DUSP13A: variants seen among roughly 807,000 people sequenced by gnomAD.
The protein encoded by DUSP13A is dual specificity protein phosphatase 13A.
chr10:75,108,865 G>A, the DUSP13A span: 4 of 1,092,158 alleles, frequency 3.7e-6, no homozygotes, highest in Admixed American at 3.5e-5. Context: ...CAGCACCCCC[G>A]GGGGTCCTGG....
At chr10:75,108,160 C>A in the DUSP13A span, 1 of 1,612,606 alleles carries the variant, frequency 6.2e-7, no homozygotes, top group Non-Finnish European at 8.5e-7. Context: ...GCGTTCAGCA[C>A]GTGGGTGATG....
the DUSP13A span, among the ~76,000 whole-genome samples, chr10:75,106,648 T>TA: frequency 6.6e-6 from 1 of 152,338 alleles, no homozygotes; most frequent in South Asian, 2.1e-4. Context: ...GGCCCACTCT[T>TA]ATGAGTAGCT....
the DUSP13A span, chr10:75,105,832 C>T: frequency 1.4e-5 from 21 of 1,550,652 alleles, no homozygotes; most frequent in East Asian, 4.9e-5. Context: ...CGTGGCAGAG[C>T]GGCTCACGCC....
the DUSP13A span, among the ~76,000 whole-genome samples, chr10:75,106,305 C>G: frequency 4.1e-4 from 62 of 152,048 alleles, no homozygotes; most frequent in African/African-American, 1.2e-3. Flanking sequence ...GTCCCTCCCC[C>G]ACCTTCAGCT....
the DUSP13A span, chr10:75,105,854 G>A: frequency 6.5e-6 from 10 of 1,549,278 alleles, no homozygotes; most frequent in African/African-American, 1.4e-4. Flanking sequence ...ACCACACAGT[G>A]CACCAGGACC....
chr10:75,108,880 G>A, the DUSP13A span: 2 of 1,253,952 alleles, frequency 1.6e-6, no homozygotes, highest in Non-Finnish European at 2.1e-6. Flanking sequence ...TCCTGGAGAA[G>A]GTCCCTGGCC....
At chr10:75,108,157 G>A in the DUSP13A span, 1 of 1,612,722 alleles carries the variant, frequency 6.2e-7, no homozygotes. Context: ...GCGGCGTTCA[G>A]CACGTGGGTG....
chr10:75,108,176 C>T, the DUSP13A span: 1 of 1,611,404 alleles, frequency 6.2e-7, no homozygotes, highest in Non-Finnish European at 8.5e-7. Flanking sequence ...TGATGCCCAG[C>T]TTCCACAGCT....
chr10:75,107,937 G>T, the DUSP13A span: 2 of 1,532,708 alleles, frequency 1.3e-6, no homozygotes, highest in Non-Finnish European at 1.8e-6. Flanking sequence ...AGGAAATGAG[G>T]CATCCTCCCC....
chr10:75,106,556 C>A, the DUSP13A span, among the ~76,000 whole-genome samples: 4 of 152,156 alleles, frequency 2.6e-5, no homozygotes, highest in South Asian at 8.3e-4. Flanking sequence ...CCCATGGATA[C>A]CTTTGTAGAG....
At chr10:75,107,697 C>T in the DUSP13A span, among the ~76,000 whole-genome samples, 1 of 152,170 alleles carries the variant, frequency 6.6e-6, no homozygotes, top group Non-Finnish European at 1.5e-5. Context: ...CTGCCTCAGC[C>T]TCCAGAGTAG....
chr10:75,105,918 C>A, the DUSP13A span: 1 of 1,519,490 alleles, frequency 6.6e-7, no homozygotes, highest in South Asian at 1.2e-5. Flanking sequence ...CCGGCCCACC[C>A]ACGGGCTGGG....
chr10:75,107,769 G>T, the DUSP13A span, among the ~76,000 whole-genome samples: 1 of 152,154 alleles, frequency 6.6e-6, no homozygotes, highest in African/African-American at 2.4e-5. Context: ...TAGAGACGAG[G>T]TTTCACCGTG....
chr10:75,106,106 T>C, the DUSP13A span, among the ~76,000 whole-genome samples: 147 of 81,610 alleles, frequency 1.8e-3, 1 homozygote, highest in East Asian at 0.014. Flanking sequence ...CTTTTCTTTT[T>C]TTTTTTTTTT....
the DUSP13A span, among the ~76,000 whole-genome samples, chr10:75,107,405 T>C: frequency 2.5e-4 from 38 of 151,342 alleles, no homozygotes; most frequent in South Asian, 4.4e-3. Flanking sequence ...TACCAAATGG[T>C]GCTTTCCCAA....
At chr10:75,106,364 G>A in the DUSP13A span, among the ~76,000 whole-genome samples, 1 of 151,830 alleles carries the variant, frequency 6.6e-6, no homozygotes, top group Admixed American at 6.6e-5. Flanking sequence ...CATGGTTTCT[G>A]ACCTCCAGCC....
chr10:75,105,846 C>T, the DUSP13A span: 1 of 1,550,462 alleles, frequency 6.4e-7, no homozygotes, highest in South Asian at 1.2e-5. Context: ...TCACGCCCAC[C>T]ACACAGTGCA....
chr10:75,108,398 C>T, the DUSP13A span: 34 of 1,085,804 alleles, frequency 3.1e-5, no homozygotes, highest in East Asian at 1.6e-4. Context: ...GTGGCTGAGC[C>T]GGCGGTGTGT....
the DUSP13A span, among the ~76,000 whole-genome samples, chr10:75,107,449 G>A: frequency 6.6e-6 from 1 of 152,210 alleles, no homozygotes; most frequent in Non-Finnish European, 1.5e-5. Context: ...CTGTTCTGCT[G>A]TTTGGGAGAA....
Sources: allele counts gnomAD v4.1 joint callset (sites outside exome capture counted in the v4.1 genomes callset), GRCh38; gene constraint gnomAD v4.1.1; transcripts MANE v1.5; gene names NCBI Gene and HGNC (gene_info 2026-07-23, HGNC 2026-07-21).